Variants in SAMMSON observed in about 807,000 individuals in gnomAD.
The protein encoded by SAMMSON is survival associated mitochondrial melanoma specific oncogenic non-coding RNA, also known as long intergenic non-protein coding RNA 1212.
chr3:70,293,727 T>A (rs777303757), intron 7 of SAMMSON, among the ~76,000 whole-genome samples: 7 of 152,068 alleles, frequency 4.6e-5, no homozygotes, highest in Non-Finnish European at 7.4e-5. Context: ...TTTTTTAAAT[T>A]ACATTAATAT....
At chr3:70,092,221 C>A (rs2067307252) in intron 4 of SAMMSON, among the ~76,000 whole-genome samples, 1 of 151,878 alleles carries the variant, frequency 6.6e-6, no homozygotes. Flanking sequence ...AGATTATGCT[C>A]CTGAAGCTAT....
chr3:70,178,132 G>A (rs1376803817), intron 4 of SAMMSON, among the ~76,000 whole-genome samples: 1 of 152,054 alleles, frequency 6.6e-6, no homozygotes, highest in Non-Finnish European at 1.5e-5. Context: ...CCTTCCCCCA[G>A]GAGGGCTGTC....
chr3:70,144,679 T>C (rs540880211), intron 4 of SAMMSON, among the ~76,000 whole-genome samples: 159 of 152,278 alleles, frequency 1.0e-3, no homozygotes, highest in African/African-American at 3.6e-3. Context: ...TGGGAGATGA[T>C]TGAATCATGG....
intron 4 of SAMMSON, among the ~76,000 whole-genome samples, chr3:70,163,544 C>G (rs554284101): frequency 3.0e-4 from 46 of 151,998 alleles, no homozygotes; most frequent in Admixed American, 2.4e-3. Flanking sequence ...ACATGAAATA[C>G]TTACTTTGTA....
At chr3:70,352,625 T>C (rs1420852376) in intron 7 of SAMMSON, among the ~76,000 whole-genome samples, 3 of 152,132 alleles carry the variant, frequency 2.0e-5, no homozygotes, top group Non-Finnish European at 4.4e-5. Context: ...TTCTTTCTCT[T>C]CTTAAGTTTT....
At chr3:70,090,921 T>C (rs2067302784) in intron 4 of SAMMSON, among the ~76,000 whole-genome samples, 1 of 152,182 alleles carries the variant, frequency 6.6e-6, no homozygotes. Flanking sequence ...TAGCATATTA[T>C]TAGAAATCCT....
chr3:70,299,735 ATCC>A (rs1254738241), intron 7 of SAMMSON, among the ~76,000 whole-genome samples: 5 of 152,198 alleles, frequency 3.3e-5, no homozygotes, highest in Admixed American at 1.3e-4. Flanking sequence ...TCTTCGTAAT[ATCC>A]TCAACTCACA....
chr3:70,368,812 A>G (rs1702941310), intron 9 of SAMMSON, among the ~76,000 whole-genome samples: 1 of 151,546 alleles, frequency 6.6e-6, no homozygotes, highest in African/African-American at 2.4e-5. Context: ...GAGTCCTCCA[A>G]CTTTAGTCTT....
At chr3:70,235,119 G>A (rs1701594812) in intron 4 of SAMMSON, among the ~76,000 whole-genome samples, 1 of 152,098 alleles carries the variant, frequency 6.6e-6, no homozygotes, top group African/African-American at 2.4e-5. Flanking sequence ...ACCTCTATTG[G>A]AGAAGAAGGG....
chr3:70,253,827 T>C (rs1701790916), intron 6 of SAMMSON, among the ~76,000 whole-genome samples: 1 of 152,196 alleles, frequency 6.6e-6, no homozygotes, highest in Non-Finnish European at 1.5e-5. Context: ...TTTAGAAAGA[T>C]GTGAAACTCT....
chr3:70,061,923 T>C (rs1576111986), intron 3 of SAMMSON, among the ~76,000 whole-genome samples: 1 of 152,140 alleles, frequency 6.6e-6, no homozygotes, highest in South Asian at 2.1e-4. Flanking sequence ...AATGAATAAA[T>C]GATTCTATGT....
rs750636219 is a variant in SAMMSON, at chr3:70,211,362, TTG to T, written n.508-37744_508-37743del. Among the ~76,000 whole-genome samples, 573 of 16,226 alleles carry T rather than the reference TTG, an allele frequency of 0.035. 217 individuals are homozygous for T. In the East Asian group the frequency reaches 0.54, roughly 15 times the overall value. The allele number at this position is 16,226 out of a possible 152,430, so 10.6% of individuals were successfully genotyped here. A position where few individuals can be genotyped will look rare whatever the true frequency, so the allele number is the denominator to read the frequency against. On this transcript the variant is annotated intron_variant and non_coding_transcript_variant, in intron 4 of 9. Coordinates refer to ENST00000642114, the Ensembl canonical transcript of SAMMSON. ...CCTTCCTTTTGCCCTTCCCTTCCCTTTGCCCTTCCCTTCCCTTTCCTTCCTTT... is the reference window on the plus strand; with the variant it reads ...CCTTCCTTTTGCCCTTCCCTTCCCTTCCCTTCCCTTCCCTTTCCTTCCTTT...
At chr3:70,318,247 A>C (rs888225711) in intron 7 of SAMMSON, among the ~76,000 whole-genome samples, 3 of 151,910 alleles carry the variant, frequency 2.0e-5, no homozygotes, top group Non-Finnish European at 4.4e-5. Flanking sequence ...GATTCCAATT[A>C]CACATATATT....
intron 7 of SAMMSON, among the ~76,000 whole-genome samples, chr3:70,318,836 T>G (rs1045707122): frequency 5.3e-5 from 8 of 152,080 alleles, no homozygotes; most frequent in African/African-American, 1.9e-4. Flanking sequence ...TTATTTTTTC[T>G]GATAATGGGT....
At chr3:70,167,766 C>T (rs1163101869) in intron 4 of SAMMSON, among the ~76,000 whole-genome samples, 2 of 151,922 alleles carry the variant, frequency 1.3e-5, no homozygotes, top group Non-Finnish European at 2.9e-5. Context: ...ACCCTAGCTG[C>T]TAAATCTTTC....
intron 3 of SAMMSON, among the ~76,000 whole-genome samples, chr3:70,016,811 C>T (rs2066988104): frequency 6.6e-6 from 1 of 152,106 alleles, no homozygotes; most frequent in South Asian, 2.1e-4. Flanking sequence ...ATATGGCTAG[C>T]CAGTTTTCCC....
At chr3:70,410,190 G>T (rs904834802) in intron 2 of SAMMSON, among the ~76,000 whole-genome samples, 3 of 152,170 alleles carry the variant, frequency 2.0e-5, no homozygotes, top group African/African-American at 7.2e-5. Context: ...CGGCATCCAT[G>T]TTGCCTTCCT....
chr3:70,161,168 C>T (rs923017429), intron 4 of SAMMSON, among the ~76,000 whole-genome samples: 1 of 151,926 alleles, frequency 6.6e-6, no homozygotes, highest in African/African-American at 2.4e-5. Flanking sequence ...CCTTTCATTT[C>T]TTCTTCCTAT....
chr3:70,182,786 A>G (rs2106706372), intron 4 of SAMMSON, among the ~76,000 whole-genome samples: 1 of 152,296 alleles, frequency 6.6e-6, no homozygotes. Flanking sequence ...TCCCACCTGC[A>G]TGCATGTTCA....
Sources: gnomAD v4.1 joint callset for allele counts (sites outside exome capture counted in the v4.1 genomes callset) on GRCh38, gnomAD v4.1.1 for gene constraint, MANE v1.5 for transcripts, NCBI Gene and HGNC (gene_info 2026-07-23, HGNC 2026-07-21) for gene names.